PITPNB: variants seen among roughly 807,000 people sequenced by gnomAD.
PITPNB encodes phosphatidylinositol transfer protein beta isoform.
Under a neutral mutation model 45.9 loss-of-function variants are expected in PITPNB, and 16 were observed. That is an observed-to-expected ratio of 0.35 (90% CI 0.24 to 0.53). PITPNB has a LOEUF of 0.53. Ranked by LOEUF, PITPNB falls within the 20% of genes least tolerant of loss-of-function variation. The probability of loss-of-function intolerance (pLI) is 0.93; values close to 1 mark genes in which losing one functional copy is unlikely to be tolerated. For missense variants in PITPNB, 188 were observed against 330.5 expected (o/e 0.57, Z 3.34); for synonymous variants, 112 against 108.9 (o/e 1.03, Z -0.18).
In PITPNB at chr22:27,910,934, T is replaced by C. The variant is rs546771802; in HGVS notation, c.197+30A>G. On this transcript the variant is annotated intron_variant, in intron 3 of 11. Transcript: ENST00000335272. Reference sequence around the variant, plus strand: ...ATGCATCATAAGTAAGCCAGGTAGTTACAAGGCGTCAAATGTGAACACCGC... The same window carrying C: ...ATGCATCATAAGTAAGCCAGGTAGTCACAAGGCGTCAAATGTGAACACCGC... 32 of 1,586,798 alleles carry C rather than the reference T, an allele frequency of 2.0e-5. No individual in the cohort carries two copies. In the South Asian group the frequency reaches 2.9e-4, roughly 14 times the overall value.
At chr22:27,860,548 T>C (rs1441249860) in intron 8 of PITPNB, 1 of 218,982 alleles carries the variant, frequency 4.6e-6, no homozygotes, top group Non-Finnish European at 9.3e-6. Context: ...AAACCAATAG[T>C]GTCTTTAATA....
intron 8 of PITPNB, among the ~76,000 whole-genome samples, chr22:27,866,613 T>G (rs1298393392): frequency 6.6e-6 from 1 of 152,252 alleles, no homozygotes; most frequent in African/African-American, 2.4e-5. Context: ...TTCAGTTTCA[T>G]GAGACTTGTC....
chr22:27,914,258 A>C (rs1936014662), intron 2 of PITPNB, 59 bp downstream of exon 2: 1 of 1,013,216 alleles, frequency 9.9e-7, no homozygotes. Flanking sequence ...AGTTTAGAGT[A>C]ACATATCAAA....
chr22:27,902,624 G>A (rs927540579), intron 3 of PITPNB, among the ~76,000 whole-genome samples: 7 of 152,164 alleles, frequency 4.6e-5, no homozygotes, highest in African/African-American at 1.7e-4. Context: ...AAATCTTTAT[G>A]ATCTTGGATT....
chr22:27,892,911 C>A (rs1201039627), intron 7 of PITPNB, among the ~76,000 whole-genome samples: 1 of 152,210 alleles, frequency 6.6e-6, no homozygotes, highest in Non-Finnish European at 1.5e-5. Flanking sequence ...TGCTGGCAGT[C>A]TCAACCCCAG....
intron 6 of PITPNB, among the ~76,000 whole-genome samples, chr22:27,895,365 A>T (rs1252272829): frequency 6.6e-6 from 1 of 152,102 alleles, no homozygotes; most frequent in Non-Finnish European, 1.5e-5. Context: ...TGAGGCAGGC[A>T]GATTACCTGA....
intron 9 of PITPNB, among the ~76,000 whole-genome samples, chr22:27,859,548 T>C (rs1358931006): frequency 6.6e-6 from 1 of 152,146 alleles, no homozygotes; most frequent in Non-Finnish European, 1.5e-5. Flanking sequence ...AATTCTCCCC[T>C]CCTCCTAGAT....
rs1399492484 is a variant in PITPNB, at chr22:27,852,169, A to C, written c.*1533T>G. ...CTCCAGTGGGGGAGGGATGCAGGAC[A>C]TGTGGGAAAACGAGGAGCAGGCAGG... On this transcript the variant is annotated 3_prime_UTR_variant, in exon 12 of 12. Coordinates refer to ENST00000335272, the MANE Select transcript of PITPNB (RefSeq NM_012399.5). 1.3e-5 allele frequency: 2 copies of C among 152,262 alleles called. No individual in the cohort carries two copies. Among genetic ancestry groups the C allele is most frequent in the African/African-American group, 4.8e-5 (2 of 41,462 alleles). The allele number at this position is 152,262 out of a possible 1,614,324, so 9.4% of individuals were successfully genotyped here.
At chr22:27,893,696 C>T (rs1404336865) in intron 7 of PITPNB, among the ~76,000 whole-genome samples, 1 of 147,474 alleles carries the variant, frequency 6.8e-6, no homozygotes, top group African/African-American at 2.5e-5. Context: ...CTCAAGTAAT[C>T]CTCCTGTCTA....
chr22:27,857,173 T>A (rs1435196888), intron 10 of PITPNB, among the ~76,000 whole-genome samples: 1 of 152,180 alleles, frequency 6.6e-6, no homozygotes, highest in Admixed American at 6.5e-5. Context: ...TGCTGGCTAG[T>A]CTAGAAACCA....
Position 27,858,367 on chromosome 22 carries a change from C to T in PITPNB, c.768+20G>A. On this transcript the variant is annotated intron_variant, in intron 10 of 11. Transcript: ENST00000335272. The stretch of plus-strand genomic sequence containing the variant: ...AGAAAAGGGAAAATTAGAGAATTGC[C>T]ATAGAACAGCCAGTCTTACTGTTTC... 2 of 1,581,968 alleles carry T rather than the reference C, an allele frequency of 1.3e-6. No homozygotes were observed. The highest frequency in any genetic ancestry group is 2.3e-5 in the South Asian group (2 of 86,190).
chr22:27,910,954 C>T lies in PITPNB; in HGVS notation c.197+10G>A. 1 of 1,608,850 alleles carries T rather than the reference C, an allele frequency of 6.2e-7. No homozygotes were observed. The highest frequency in any genetic ancestry group is 2.2e-5 in the East Asian group (1 of 44,818). ...GTAGTTACAAGGCGTCAAATGTGAACACCGCTTACCTCTTTAGGTGATAAA... is the reference window on the plus strand; with the variant it reads ...GTAGTTACAAGGCGTCAAATGTGAATACCGCTTACCTCTTTAGGTGATAAA... On this transcript the variant is annotated intron_variant, in intron 3 of 11. Coordinates refer to ENST00000335272, the MANE Select transcript of PITPNB (RefSeq NM_012399.5).
Position 27,911,012 on chromosome 22 carries a change from T to C in PITPNB, c.149A>G (p.Lys50Arg). The C allele has an allele frequency of 6.2e-7, 1 of 1,612,254 alleles. No individual in the cohort carries two copies. The highest frequency in any genetic ancestry group is 1.1e-5 in the South Asian group (1 of 91,046). The change falls in exon 3 of 12, where the codon AAG becomes AGG. Residue 50 changes from lysine to arginine, a missense_variant. By Grantham distance (26) the Lys-to-Arg change is conservative (BLOSUM62 2). Transcript: ENST00000335272. Reference protein sequence around the residue: ...IEVLKNEPYEKDGEKGQYTHK... With the variant: ...IEVLKNEPYERDGEKGQYTHK... ...CGTATACTGTCCCTTTTCTCCATCC[T>C]TCTCATAAGGTTCATTCTTTAAGAC...
At chr22:27,856,204 T>C (rs1385397118) in intron 10 of PITPNB, among the ~76,000 whole-genome samples, 6 of 152,254 alleles carry the variant, frequency 3.9e-5, no homozygotes, top group Admixed American at 6.5e-5. Context: ...GAACCAATGA[T>C]AGATTTTCCA....
At chr22:27,894,433 GAAA>G (rs1403139578) in intron 7 of PITPNB, 119 bp downstream of exon 7, 1 of 617,450 alleles carries the variant, frequency 1.6e-6, no homozygotes, top group African/African-American at 1.8e-5. Context: ...CTTCGGCATA[GAAA>G]TGTAGGCCAT....
chr22:27,915,605 CTT>C (rs917051623), intron 1 of PITPNB, among the ~76,000 whole-genome samples: 1 of 152,294 alleles, frequency 6.6e-6, no homozygotes, highest in South Asian at 2.1e-4. Context: ...ACTCGCCACT[CTT>C]TGTCTTTCTG....
chr22:27,872,081 GTTTTTTTT>G (rs58288724), intron 8 of PITPNB, among the ~76,000 whole-genome samples: 41 of 64,440 alleles, frequency 6.4e-4, no homozygotes, highest in East Asian at 1.8e-3. Context: ...ATTAAGCCTG[GTTTTTTTT>G]TTTTTTTTTT....
intron 1 of PITPNB, among the ~76,000 whole-genome samples, chr22:27,917,053 C>G (rs1161286767): frequency 6.6e-6 from 1 of 151,922 alleles, no homozygotes; most frequent in South Asian, 2.1e-4. Flanking sequence ...TTCAAAAAGT[C>G]TAGGAGGAAA....
intron 7 of PITPNB, among the ~76,000 whole-genome samples, chr22:27,893,163 A>G (rs963925610): frequency 6.6e-6 from 1 of 152,266 alleles, no homozygotes; most frequent in Non-Finnish European, 1.5e-5. Flanking sequence ...GATTAGAGGA[A>G]GAGGACCAGT....
Sources: gnomAD v4.1 joint callset for allele counts (sites outside exome capture counted in the v4.1 genomes callset) on GRCh38, gnomAD v4.1.1 for gene constraint, MANE v1.5 for transcripts, NCBI Gene and HGNC (gene_info 2026-07-23, HGNC 2026-07-21) for gene names.